The following PARD3 variants were observed in gnomAD, a reference collection of about 807,000 sequenced individuals.
The protein encoded by PARD3 is par-3 family cell polarity regulator.
PARD3 carries 75 observed loss-of-function variants against 155.4 expected under a neutral mutation model. The observed-to-expected ratio is 0.48, with a 90% CI of 0.40 to 0.58. PARD3 has a LOEUF of 0.58. Among genes scored for constraint, PARD3 ranks in the 20% least tolerant of loss-of-function variants. The probability of loss-of-function intolerance (pLI) is 0.00; values close to 1 mark genes in which losing one functional copy is unlikely to be tolerated. For missense variants in PARD3, 1,642 were observed against 1,721.7 expected (o/e 0.95, Z 0.82); for synonymous variants, 576 against 610.5 (o/e 0.94, Z 0.83).
intron 2 of PARD3, among the ~76,000 whole-genome samples, chr10:34,690,905 G>T (rs2094045796): frequency 6.6e-6 from 1 of 152,148 alleles, no homozygotes; most frequent in Non-Finnish European, 1.5e-5. Context: ...CAACGAGACT[G>T]TACATGAATC....
At chr10:34,344,882 G>T in intron 15 of PARD3, 1 of 985,168 alleles carries the variant, frequency 1.0e-6, no homozygotes, top group Non-Finnish European at 1.2e-6. Context: ...CAGAAAGTGT[G>T]CAACTTCTGT....
At chr10:34,154,795 G>T (rs1244894853) in intron 22 of PARD3, among the ~76,000 whole-genome samples, 2 of 152,144 alleles carry the variant, frequency 1.3e-5, no homozygotes, top group African/African-American at 2.4e-5. Context: ...GAAACTCATG[G>T]GTTCTGCCTG....
chr10:34,772,075 G>T (rs12261002), intron 1 of PARD3, among the ~76,000 whole-genome samples: 10,681 of 152,214 alleles, frequency 0.07, 1,256 homozygotes, highest in African/African-American at 0.25. Flanking sequence ...CACCCCTCCA[G>T]GGGTTCCTGC....
chr10:34,151,373 G>A (rs569291309), intron 22 of PARD3, among the ~76,000 whole-genome samples: 5 of 152,230 alleles, frequency 3.3e-5, no homozygotes, highest in African/African-American at 9.6e-5. Flanking sequence ...GGCTTTAGTC[G>A]ATGTTTGGAA....
chr10:34,256,507 A>G (rs1321999713), intron 22 of PARD3, among the ~76,000 whole-genome samples: 1 of 152,246 alleles, frequency 6.6e-6, no homozygotes, highest in Non-Finnish European at 1.5e-5. Flanking sequence ...TCTTGCCTGT[A>G]AGTGATATTT....
intron 5 of PARD3, among the ~76,000 whole-genome samples, chr10:34,448,166 C>T (rs867798650): frequency 5.7e-5 from 7 of 122,622 alleles, no homozygotes; most frequent in African/African-American, 2.5e-4. Flanking sequence ...TGTGTGTGTA[C>T]ACATAAATGT....
chr10:34,125,953 G>A (rs752184702), intron 23 of PARD3, among the ~76,000 whole-genome samples: 4 of 152,158 alleles, frequency 2.6e-5, no homozygotes, highest in Non-Finnish European at 5.9e-5. Context: ...CTGTACTTAC[G>A]TCTGCAGCCT....
intron 1 of PARD3, among the ~76,000 whole-genome samples, chr10:34,795,284 A>G (rs1357030953): frequency 6.6e-6 from 1 of 152,216 alleles, no homozygotes; most frequent in East Asian, 1.9e-4. Context: ...GCAGGTCCGG[A>G]GGGAGATGCC....
At chr10:34,134,027 G>A (rs564467060) in intron 22 of PARD3, among the ~76,000 whole-genome samples, 1 of 152,192 alleles carries the variant, frequency 6.6e-6, no homozygotes, top group Non-Finnish European at 1.5e-5. Context: ...TGTAAATTGG[G>A]CTGCTTGACG....
At chr10:34,395,943 C>T (rs1843299370) in intron 7 of PARD3, among the ~76,000 whole-genome samples, 1 of 151,920 alleles carries the variant, frequency 6.6e-6, no homozygotes, top group Non-Finnish European at 1.5e-5. Context: ...AGCAGGTAGT[C>T]AACTAAGACA....
chr10:34,453,411 TG>T (rs1268828533), intron 4 of PARD3, among the ~76,000 whole-genome samples: 1 of 152,224 alleles, frequency 6.6e-6, no homozygotes, highest in African/African-American at 2.4e-5. Context: ...CAGGGAAGCC[TG>T]GGCAGATCAT....
intron 20 of PARD3, among the ~76,000 whole-genome samples, chr10:34,288,030 A>C (rs1589062359): frequency 6.6e-6 from 1 of 152,128 alleles, no homozygotes; most frequent in African/African-American, 2.4e-5. Flanking sequence ...GGTCAACATG[A>C]TGAAACCCCG....
chr10:34,616,153 C>A (rs1260226807), intron 2 of PARD3, among the ~76,000 whole-genome samples: 1 of 151,962 alleles, frequency 6.6e-6, no homozygotes, highest in South Asian at 2.1e-4. Context: ...CCTGTCTCTA[C>A]TAAAAATACA....
At chr10:34,740,872 G>A (rs2094997381) in intron 1 of PARD3, among the ~76,000 whole-genome samples, 1 of 152,122 alleles carries the variant, frequency 6.6e-6, no homozygotes, top group Non-Finnish European at 1.5e-5. Context: ...TGTGAAGCTT[G>A]ACTAAAGTCT....
At position 34,665,614 on chromosome 10, in the gene PARD3, CG is replaced by C. The variant is rs34855763; in HGVS notation, c.222+30703del. Among the ~76,000 whole-genome samples, 845 of 152,098 alleles carry C rather than the reference CG, an allele frequency of 5.6e-3. 4 individuals are homozygous for C. The highest frequency in any genetic ancestry group is 7.7e-3 in the Non-Finnish European group (526 of 68,000). ...CAACACTTTGGGATGGCGAGGCAGG[CG>C]GATCACGAGGTCAGGGGTTCCAGAC... is the stretch of plus-strand genomic sequence containing the variant. On this transcript the variant is annotated intron_variant, in intron 2 of 24. Coordinates refer to ENST00000374788, the MANE Select transcript of PARD3 (RefSeq NM_001184785.2).
intron 2 of PARD3, among the ~76,000 whole-genome samples, chr10:34,576,842 A>G (rs2086928901): frequency 6.6e-6 from 1 of 152,230 alleles, no homozygotes; most frequent in African/African-American, 2.4e-5. Flanking sequence ...GCTTCTCTGC[A>G]TCTAATGCAT....
chr10:34,119,809 C>A, intron 23 of PARD3, 69 bp from the exon 24 acceptor site: 1 of 1,336,014 alleles, frequency 7.5e-7, no homozygotes, highest in Admixed American at 2.5e-5. Flanking sequence ...CTGGTTGACT[C>A]CATTTCGATT....
chr10:34,346,567 A>G (rs1425425128), intron 15 of PARD3: 4 of 1,192,342 alleles, frequency 3.4e-6, no homozygotes, highest in Non-Finnish European at 1.1e-6. Flanking sequence ...ATAATTTAAC[A>G]AAGATAAAGA....
At chr10:34,454,304 A>G (rs1564732349) in intron 4 of PARD3, among the ~76,000 whole-genome samples, 1 of 152,128 alleles carries the variant, frequency 6.6e-6, no homozygotes, top group Non-Finnish European at 1.5e-5. Flanking sequence ...TGATGGAAAG[A>G]TATCCATAAA....
Sources: gnomAD v4.1 joint callset for allele counts (sites outside exome capture counted in the v4.1 genomes callset) on GRCh38, gnomAD v4.1.1 for gene constraint, MANE v1.5 for transcripts, NCBI Gene and HGNC (gene_info 2026-07-23, HGNC 2026-07-21) for gene names.